Variants in CYB561A3 observed in about 807,000 individuals in gnomAD.
CYB561A3 encodes lysosomal membrane ascorbate-dependent ferrireductase CYB561A3.
In CYB561A3, 16 loss-of-function variants were observed where a neutral mutation model predicts 25.3. The observed-to-expected ratio is 0.63, with a 90% confidence interval of 0.43 to 0.96. The LOEUF (loss-of-function observed/expected upper bound fraction) is 0.96, where lower values mean the gene tolerates loss of function less well. Ranked by LOEUF, CYB561A3 falls within the 40% of genes least tolerant of loss-of-function variation. CYB561A3 has a pLI of 0.00. For missense variants in CYB561A3, 219 were observed against 307.5 expected (o/e 0.71, Z 2.15); for synonymous variants, 131 against 129.9 (o/e 1.01, Z -0.06).
At chr11:61,356,439 C>CA in intron 3 of CYB561A3, 91 bp downstream of exon 3, 1 of 1,319,820 alleles carries the variant, frequency 7.6e-7, no homozygotes, top group Non-Finnish European at 1.0e-6. Flanking sequence ...GCCCCAAGCC[C>CA]AACATTTACA....
At position 61,350,357 on chromosome 11, in the gene CYB561A3, G is replaced by A; in HGVS notation, c.*42C>T. 6.2e-7 allele frequency: 1 copy of A among 1,600,700 alleles called. No homozygotes were observed. Among genetic ancestry groups the A allele is most frequent in the Middle Eastern group, 1.7e-4 (1 of 5,988 alleles). On this transcript the variant is annotated 3_prime_UTR_variant, in exon 7 of 7. Coordinates refer to ENST00000294072, the MANE Select transcript of CYB561A3 (RefSeq NM_153611.6). ...GAGCAGAGCTTCTGAGGGGAGCACA[G>A]GCTGCACCACCAGGAGCTCTTGGGA...
rs920034479 is a variant in CYB561A3 at position 61,349,159 on chromosome 11, G to A, written c.*1240C>T. 3.4e-5 allele frequency: 7 copies of A among 204,480 alleles called. No individual in the cohort carries two copies. Among genetic ancestry groups the A allele is most frequent in the Admixed American group, 1.0e-4 (2 of 19,936 alleles). 12.7% of individuals were successfully genotyped at this position (204,480 alleles called of 1,614,324 possible). The stretch of plus-strand genomic sequence containing the variant: ...AAAAAAGCCACAGCAGCAACACTTA[G>A]GAGCAAGACCCTTCCCGCTCTCCAC... On this transcript the variant is annotated 3_prime_UTR_variant, in exon 7 of 7. Coordinates refer to ENST00000294072, the MANE Select transcript of CYB561A3 (RefSeq NM_153611.6).
chr11:61,356,580 T>G lies in CYB561A3; in HGVS notation c.134A>C (p.Asn45Thr). The G allele has an allele frequency of 6.2e-7, 1 of 1,614,152 alleles. No individual in the cohort carries two copies. Among genetic ancestry groups the G allele is most frequent in the Non-Finnish European group, 8.5e-7 (1 of 1,180,024 alleles). ...AGCAACCATAAGCACTGGGTGCCAG[T>G]TGAACATGTAGATGCTGCCATTCCA... The part of the protein sequence containing the change: ...FAWNGSIYMF[N>T]WHPVLMVAGM... Residue 45 changes from asparagine to threonine, a missense_variant, in exon 3 of 7, where the codon AAC becomes ACC. Asn to Thr is a moderately conservative substitution (Grantham distance 65). Coordinates refer to ENST00000294072, the MANE Select transcript of CYB561A3 (RefSeq NM_153611.6).
Position 61,353,863 on chromosome 11 carries a change from T to A in CYB561A3, c.314A>T (p.His105Leu), listed in dbSNP as rs1314064751. 1.2e-6 allele frequency: 2 copies of A among 1,614,028 alleles called. No homozygotes were observed. The highest frequency in any genetic ancestry group is 1.7e-6 in the Non-Finnish European group (2 of 1,180,012). Residue 105 changes from histidine (H) to leucine (L), a missense_variant, in exon 4 of 7, where the codon CAC becomes CTC. Physicochemically the swap from His to Leu is moderately conservative, Grantham distance 99. Coordinates refer to ENST00000294072, the MANE Select transcript of CYB561A3 (RefSeq NM_153611.6). ...GAGGTTGGCAGTCCTTCCATGGTTG[T>A]GAAACGTAAAGACAGCAACCAGCCC... Reference protein sequence around the residue: ...VVGLVAVFTFHNHGRTANLYS... With the variant: ...VVGLVAVFTFLNHGRTANLYS...
intron 1 of CYB561A3, chr11:61,361,161 T>G (rs750236881): frequency 5.9e-5 from 9 of 152,072 alleles, no homozygotes; most frequent in Non-Finnish European, 8.8e-5. Context: ...CCCTAAACCC[T>G]CATCTTACAA....
intron 3 of CYB561A3, 94 bp downstream of exon 3, chr11:61,356,435 AG>A: frequency 8.6e-7 from 1 of 1,160,508 alleles, no homozygotes; most frequent in South Asian, 1.5e-5. Flanking sequence ...CATAGCCCCA[AG>A]CCCAACATTT....
At chr11:61,357,001 G>A (rs1857676049) in intron 2 of CYB561A3, 1 of 1,468,928 alleles carries the variant, frequency 6.8e-7, no homozygotes, top group Non-Finnish European at 9.0e-7. Context: ...GCGAAGGCCA[G>A]ATGCCAAGGC....
At chr11:61,354,022 C>A in intron 3 of CYB561A3, 30 bp from the exon 4 acceptor site, 1 of 1,611,376 alleles carries the variant, frequency 6.2e-7, no homozygotes, top group Non-Finnish European at 8.5e-7. Context: ...CAGGGCTCAG[C>A]CTCTCCCCTC....
chr11:61,349,271 G>T lies in CYB561A3; in HGVS notation c.*1128C>A. The stretch of plus-strand genomic sequence containing the variant: ...TTGGGCCAGGCAAGCAGCCATGGTG[G>T]GGCCAGGTGAAGCAATGTGGGTCTC... On this transcript the variant is annotated 3_prime_UTR_variant, in exon 7 of 7. Coordinates refer to ENST00000294072, the MANE Select transcript of CYB561A3 (RefSeq NM_153611.6). 2.4e-6 allele frequency: 1 copy of T among 425,344 alleles called. No individual in the cohort carries two copies. Among genetic ancestry groups the T allele is most frequent in the Non-Finnish European group, 4.4e-6 (1 of 225,774 alleles). The allele number at this position is 425,344 out of a possible 1,614,324, so 26.3% of individuals were successfully genotyped here.
chr11:61,351,278 C>T (rs1213585585), intron 5 of CYB561A3, 131 bp from the exon 6 acceptor site: 1 of 842,312 alleles, frequency 1.2e-6, no homozygotes, highest in Non-Finnish European at 1.7e-6. Flanking sequence ...AATTTTAACA[C>T]CCTTTCTTTT....
chr11:61,359,621 T>C (rs1857771138), intron 1 of CYB561A3: 1 of 152,222 alleles, frequency 6.6e-6, no homozygotes, highest in Non-Finnish European at 1.5e-5. Flanking sequence ...GAATAGACCC[T>C]GGGCACACTT....
chr11:61,351,465 ATTT>A (rs1159276109), intron 5 of CYB561A3: 1 of 186,676 alleles, frequency 5.4e-6, no homozygotes, highest in East Asian at 1.5e-4. Flanking sequence ...AATTTTTTGT[ATTT>A]TTAGTAGAGA....
chr11:61,361,460 G>A (rs754530438), intron 1 of CYB561A3, among the ~76,000 whole-genome samples: 5 of 152,156 alleles, frequency 3.3e-5, no homozygotes, highest in African/African-American at 4.8e-5. Context: ...GGCACCCGAG[G>A]GGTGATCCCT....
Position 61,350,086 on chromosome 11 carries a change from C to T in CYB561A3, c.*313G>A, listed in dbSNP as rs1857325877. 1 of 548,444 alleles carries T rather than the reference C, an allele frequency of 1.8e-6. No individual in the cohort carries two copies. The highest frequency in any genetic ancestry group is 3.3e-6 in the Non-Finnish European group (1 of 305,810). 34.0% of individuals were successfully genotyped at this position (548,444 alleles called of 1,614,324 possible). A position where few individuals can be genotyped will look rare whatever the true frequency, so the allele number is the denominator to read the frequency against. On this transcript the variant is annotated 3_prime_UTR_variant, in exon 7 of 7. Coordinates refer to ENST00000294072, the MANE Select transcript of CYB561A3 (RefSeq NM_153611.6). The stretch of plus-strand genomic sequence containing the variant: ...CGCCAAGGAGTGCAGAAGCCAAAGC[C>T]ACCAAGGAAAGCAGACAGGCAGCAA...
intron 3 of CYB561A3, 173 bp downstream of exon 3, chr11:61,356,357 C>G: frequency 1.1e-6 from 1 of 908,354 alleles, no homozygotes; most frequent in Non-Finnish European, 1.6e-6. Context: ...CTGAGATGCC[C>G]CCCATCTTAA....
intron 2 of CYB561A3, chr11:61,357,337 T>TG: frequency 1.0e-5 from 11 of 1,052,748 alleles, no homozygotes; most frequent in South Asian, 1.6e-5. Flanking sequence ...GCCCCTCAGC[T>TG]GTCTCCAGCC....
rs1368911566 is a variant in CYB561A3, at chr11:61,349,622, C to A, written c.*777G>T. 5 of 702,866 alleles carry A rather than the reference C, an allele frequency of 7.1e-6. No homozygotes were observed. In the East Asian group the frequency reaches 1.3e-4, roughly 19 times the overall value. The allele number at this position is 702,866 out of a possible 1,614,324, so 43.5% of individuals were successfully genotyped here. On this transcript the variant is annotated 3_prime_UTR_variant, in exon 7 of 7. Transcript: ENST00000294072. Reference sequence around the variant, plus strand: ...TAAGTCACAGGGAAAGGCCGGGATCCAGGCCTCAGCTGTAGCAGCAGCTGG... The same window carrying A: ...TAAGTCACAGGGAAAGGCCGGGATCAAGGCCTCAGCTGTAGCAGCAGCTGG...
At chr11:61,357,294 A>C in intron 2 of CYB561A3, 1 of 1,471,404 alleles carries the variant, frequency 6.8e-7, no homozygotes, top group Non-Finnish European at 9.2e-7. Context: ...CCTTCACTCC[A>C]CTGCCCACAC....
At chr11:61,355,351 G>A (rs955442842) in intron 3 of CYB561A3, among the ~76,000 whole-genome samples, 2 of 152,104 alleles carry the variant, frequency 1.3e-5, no homozygotes, top group Admixed American at 6.5e-5. Context: ...AGGGCCCCAA[G>A]GCACAGATTT....
Sources: gnomAD v4.1 joint callset for allele counts (sites outside exome capture counted in the v4.1 genomes callset) on GRCh38, gnomAD v4.1.1 for gene constraint, MANE v1.5 for transcripts, NCBI Gene and HGNC (gene_info 2026-07-23, HGNC 2026-07-21) for gene names.